Variants in TBC1D2 observed in about 807,000 individuals in gnomAD.
The protein encoded by TBC1D2 is TBC1 domain family member 2A.
TBC1D2 carries 58 observed loss-of-function variants against 91.1 expected under a neutral mutation model. That is an observed-to-expected ratio of 0.64 (90% CI 0.52 to 0.79). The LOEUF is 0.79. Among genes scored for constraint, TBC1D2 ranks in the 30% least tolerant of loss-of-function variants. The pLI is 0.00. For synonymous variants in TBC1D2, 482 were observed against 511.5 expected (o/e 0.94, Z 0.78); for missense variants, 1,080 against 1,208.3 (o/e 0.89, Z 1.57).
chr9:98,223,424 G>T (rs1829147116), intron 5 of TBC1D2, among the ~76,000 whole-genome samples: 1 of 152,206 alleles, frequency 6.6e-6, no homozygotes, highest in African/African-American at 2.4e-5. Context: ...GGGAATGTTT[G>T]GAACGTCCAG....
At chr9:98,227,894 G>A (rs530758523) in intron 5 of TBC1D2, among the ~76,000 whole-genome samples, 3 of 152,260 alleles carry the variant, frequency 2.0e-5, no homozygotes, top group Admixed American at 2.0e-4. Context: ...GCAGACGAGG[G>A]GCCAAACTAG....
intron 2 of TBC1D2, among the ~76,000 whole-genome samples, chr9:98,248,167 A>T (rs1829804348): frequency 6.6e-6 from 1 of 152,238 alleles, no homozygotes; most frequent in African/African-American, 2.4e-5. Context: ...AATGTGGCTT[A>T]TCAGAGCAGC....
At chr9:98,215,349 C>T (rs1283783016) in intron 6 of TBC1D2, among the ~76,000 whole-genome samples, 1 of 152,230 alleles carries the variant, frequency 6.6e-6, no homozygotes, top group Non-Finnish European at 1.5e-5. Context: ...CCATCACCAA[C>T]ACCACGCAGC....
intron 11 of TBC1D2, 136 bp from the exon 12 acceptor site, chr9:98,200,510 G>T: frequency 1.4e-6 from 1 of 703,948 alleles, no homozygotes; most frequent in Non-Finnish European, 2.4e-6. Context: ...GAGGCACAAT[G>T]TGTGGGGATA....
At chr9:98,216,219 G>A (rs1231809292) in intron 6 of TBC1D2, among the ~76,000 whole-genome samples, 6 of 152,190 alleles carry the variant, frequency 3.9e-5, no homozygotes, top group African/African-American at 1.2e-4. Context: ...GGCTCAGAAC[G>A]GTGCCTGGCA....
intron 6 of TBC1D2, among the ~76,000 whole-genome samples, chr9:98,215,273 C>T (rs1182939063): frequency 6.6e-6 from 1 of 152,222 alleles, no homozygotes; most frequent in Non-Finnish European, 1.5e-5. Context: ...TGGAGTCTAA[C>T]ACTTTACTGT....
chr9:98,208,558 T>TG, intron 9 of TBC1D2, 110 bp downstream of exon 9: 1 of 1,024,392 alleles, frequency 9.8e-7, no homozygotes, highest in Non-Finnish European at 1.4e-6. Context: ...CACCTCCTGC[T>TG]GTGCGGCCCC....
At chr9:98,210,417 T>A (rs942166) in intron 8 of TBC1D2, among the ~76,000 whole-genome samples, 1 of 151,938 alleles carries the variant, frequency 6.6e-6, no homozygotes, top group South Asian at 2.1e-4. Context: ...CCTAGATAAA[T>A]GGAAAGCATG....
chr9:98,223,927 T>C (rs374731079), intron 5 of TBC1D2, among the ~76,000 whole-genome samples: 70 of 152,234 alleles, frequency 4.6e-4, no homozygotes, highest in Non-Finnish European at 3.5e-4. Context: ...GGGCCGGGCG[T>C]GGTGGCTCAC....
chr9:98,235,691 T>C, intron 3 of TBC1D2: 3 of 289,748 alleles, frequency 1.0e-5, no homozygotes, highest in South Asian at 9.1e-5. Flanking sequence ...TCAGAGTTTA[T>C]TTCTCATGTG....
intron 5 of TBC1D2, 47 bp from the exon 6 acceptor site, chr9:98,221,275 T>G: frequency 1.3e-6 from 2 of 1,488,660 alleles, no homozygotes; most frequent in Non-Finnish European, 1.8e-6. Flanking sequence ...GAGGGCCTGC[T>G]GGGCGCCACA....
chr9:98,206,178 G>C (rs751164131), intron 9 of TBC1D2, among the ~76,000 whole-genome samples: 1 of 150,994 alleles, frequency 6.6e-6, no homozygotes, highest in Non-Finnish European at 1.5e-5. Context: ...GGATGGTCTC[G>C]ATCTTTTGAC....
intron 10 of TBC1D2, among the ~76,000 whole-genome samples, chr9:98,202,168 A>G (rs923276735): frequency 7.9e-5 from 12 of 152,306 alleles, no homozygotes; most frequent in African/African-American, 2.9e-4. Flanking sequence ...GTGTGTGGGA[A>G]CGCATAATGT....
Position 98,220,923 on chromosome 9 carries a change from G to T in TBC1D2, c.1284C>A (p.Asp428Glu). 6.2e-7 allele frequency: 1 copy of T among 1,614,194 alleles called. No individual in the cohort carries two copies. Among genetic ancestry groups the T allele is most frequent in the Non-Finnish European group, 8.5e-7 (1 of 1,180,030 alleles). The change falls in exon 6 of 13, where the codon GAC becomes GAA. Residue 428 changes from aspartate to glutamate, a missense_variant. Coordinates refer to ENST00000465784, the MANE Select transcript of TBC1D2 (RefSeq NM_001267571.2). ...GAGACTGGTCAGGGGGGTGCGTGAAGTCCTGGGTGACCTTCTCAGAGAGCT... is the reference window on the plus strand; with the variant it reads ...GAGACTGGTCAGGGGGGTGCGTGAATTCCTGGGTGACCTTCTCAGAGAGCT... ...ICKLSEKVTQ[D>E]FTHPPDQSPL... is the part of the protein sequence containing the mutation.
At chr9:98,244,746 C>G (rs1417083137) in intron 2 of TBC1D2, among the ~76,000 whole-genome samples, 6 of 145,402 alleles carry the variant, frequency 4.1e-5, no homozygotes, top group Non-Finnish European at 1.5e-5. Flanking sequence ...GCAGACAAAA[C>G]TTTATGTGCC....
At chr9:98,206,629 GGAGA>G (rs1828662780) in intron 9 of TBC1D2, among the ~76,000 whole-genome samples, 1 of 152,206 alleles carries the variant, frequency 6.6e-6, no homozygotes, top group Non-Finnish European at 1.5e-5. Flanking sequence ...ACTGCTATTT[GGAGA>G]GAGAGCAGGT....
chr9:98,238,308 CATT>C lies in TBC1D2; in HGVS notation c.648-4762_648-4760del, dbSNP rs139923709. On this transcript the variant is annotated intron_variant, in intron 3 of 12. Transcript: ENST00000465784. ...TGTTTTCAGAGCACACATTTTGCAT[CATT>C]ATGTCAAATTCATTCCTAAATATTT... Among the ~76,000 whole-genome samples the C allele has an allele frequency of 2.1e-3, 284 of 137,102 alleles. 32 individuals carry two copies. The highest frequency in any genetic ancestry group is 3.1e-3 in the Admixed American group (46 of 14,816). 89.9% of individuals were successfully genotyped at this position (137,102 alleles called of 152,430 possible).
chr9:98,209,760 C>CTTCCTTCTTTCCTTTCCTTCCTTCCT (rs1828773461), intron 8 of TBC1D2, among the ~76,000 whole-genome samples: 1 of 65,544 alleles, frequency 1.5e-5, no homozygotes, highest in Non-Finnish European at 3.8e-5. Flanking sequence ...CCTTCCTTTC[C>CTTCCTTCTTTCCTTTCCTTCCTTCCT]TTCCTTCCTT....
intron 3 of TBC1D2, among the ~76,000 whole-genome samples, chr9:98,240,633 T>C (rs570269845): frequency 7.4e-4 from 113 of 152,294 alleles, no homozygotes; most frequent in Admixed American, 1.8e-3. Context: ...TCATCACTGC[T>C]GCCCACACTT....
Sources: gnomAD v4.1 joint callset for allele counts (sites outside exome capture counted in the v4.1 genomes callset) on GRCh38, gnomAD v4.1.1 for gene constraint, MANE v1.5 for transcripts, NCBI Gene and HGNC (gene_info 2026-07-23, HGNC 2026-07-21) for gene names.